PTPRG: variants seen among roughly 807,000 people sequenced by gnomAD.
PTPRG encodes the protein receptor-type tyrosine-protein phosphatase gamma.
In PTPRG, 102 loss-of-function variants were observed where a neutral mutation model predicts 165.3. The ratio of observed to expected loss-of-function variants is 0.62; its 90% CI spans 0.53 to 0.73. The LOEUF (loss-of-function observed/expected upper bound fraction) is 0.73, where lower values mean the gene tolerates loss of function less well. Among genes scored for constraint, PTPRG ranks in the 30% least tolerant of loss-of-function variants. PTPRG has a pLI of 0.00. For missense variants in PTPRG, 1,866 were observed against 1,861.4 expected, an observed-to-expected ratio of 1.00 and a Z score of -0.05; for synonymous variants, 675 against 669.5, an observed-to-expected ratio of 1.01 and a Z score of -0.13.
intron 1 of PTPRG, among the ~76,000 whole-genome samples, chr3:61,702,265 C>T (rs1361995105): frequency 2.0e-5 from 3 of 151,976 alleles, no homozygotes; most frequent in Non-Finnish European, 4.4e-5. Flanking sequence ...AGGCGTGAGC[C>T]ACCGCGTCTG....
chr3:61,845,772 A>T (rs1311397502), intron 2 of PTPRG, among the ~76,000 whole-genome samples: 1 of 152,222 alleles, frequency 6.6e-6, no homozygotes, highest in Non-Finnish European at 1.5e-5. Flanking sequence ...AAGCATGTAT[A>T]TTAATAAGTT....
At chr3:61,979,327 ATTAT>A (rs2040584783) in intron 2 of PTPRG, among the ~76,000 whole-genome samples, 1 of 152,152 alleles carries the variant, frequency 6.6e-6, no homozygotes, top group East Asian at 1.9e-4. Context: ...CTTTTGAAAT[ATTAT>A]TTGTTTTGAT....
At chr3:62,170,453 A>G (rs1705173595) in intron 8 of PTPRG, among the ~76,000 whole-genome samples, 1 of 152,076 alleles carries the variant, frequency 6.6e-6, no homozygotes, top group African/African-American at 2.4e-5. Context: ...CTCTTTCCTG[A>G]AAAAATGGGC....
At chr3:62,053,549 G>T (rs902870263) in intron 4 of PTPRG, among the ~76,000 whole-genome samples, 6 of 152,128 alleles carry the variant, frequency 3.9e-5, no homozygotes, top group Non-Finnish European at 7.3e-5. Flanking sequence ...TTACAGGCAT[G>T]AGCCATCATG....
rs2032825856 is a variant in PTPRG, at chr3:61,738,303, T to TAC, written c.86-10574_86-10573insCA. Among the ~76,000 whole-genome samples, 9 of 87,146 alleles carry TAC rather than the reference T, an allele frequency of 1.0e-4. 1 individual carries two copies. The highest frequency in any genetic ancestry group is 5.2e-3 in the Middle Eastern group (1 of 192). 57.2% of individuals were successfully genotyped at this position (87,146 alleles called of 152,430 possible). ...ACATATATATATATATATATATATA[T>TAC]ATATATATACATATATATATATATA... is the stretch of plus-strand genomic sequence containing the variant. On this transcript the variant is annotated intron_variant, in intron 1 of 29. Transcript: ENST00000474889.
chr3:62,049,022 TATAAA>T (rs1700384778), intron 4 of PTPRG, among the ~76,000 whole-genome samples: 2 of 151,686 alleles, frequency 1.3e-5, no homozygotes, highest in Non-Finnish European at 1.5e-5. Context: ...AGTCAGGAAA[TATAAA>T]ATAGAAGAAA....
intron 2 of PTPRG, among the ~76,000 whole-genome samples, chr3:61,916,627 TTATTA>T (rs2038942950): frequency 6.6e-6 from 1 of 152,226 alleles, no homozygotes; most frequent in South Asian, 2.1e-4. Context: ...GTTATTGTTA[TTATTA>T]TATTTATCTT....
At chr3:61,628,272 T>C (rs1701668305) in intron 1 of PTPRG, among the ~76,000 whole-genome samples, 1 of 152,160 alleles carries the variant, frequency 6.6e-6, no homozygotes, top group African/African-American at 2.4e-5. Context: ...TTTTCTCTTT[T>C]CTAGCAACAT....
At position 62,213,438 on chromosome 3, in the gene PTPRG, T is replaced by G. The variant is rs1337283449; in HGVS notation, c.2156-5413T>G. Among the ~76,000 whole-genome samples, 1 of 152,172 alleles carries G rather than the reference T, an allele frequency of 6.6e-6. No homozygotes were observed. Among genetic ancestry groups the G allele is most frequent in the Non-Finnish European group, 1.5e-5 (1 of 68,034 alleles). ...CCCCATGATTTCATTTTGCATTTGGTCCTATAAGTTACATAGCCATAACTT... is the reference window on the plus strand; with the variant it reads ...CCCCATGATTTCATTTTGCATTTGGGCCTATAAGTTACATAGCCATAACTT... On this transcript the variant is annotated intron_variant, in intron 12 of 29. Coordinates refer to ENST00000474889, the MANE Select transcript of PTPRG (RefSeq NM_002841.4). The surrounding 1 kb of genome is among the most constrained non-coding windows in gnomAD (Gnocchi z 4.4).
intron 1 of PTPRG, among the ~76,000 whole-genome samples, chr3:61,620,612 T>C (rs1048629452): frequency 6.6e-6 from 1 of 152,130 alleles, no homozygotes; most frequent in African/African-American, 2.4e-5. Flanking sequence ...TGAAGATGCT[T>C]AAAGTTAACA....
chr3:61,730,636 T>G (rs1056502499), intron 1 of PTPRG, among the ~76,000 whole-genome samples: 2 of 152,066 alleles, frequency 1.3e-5, no homozygotes, highest in African/African-American at 4.8e-5. Flanking sequence ...TTTAAACCAG[T>G]GATTTGGGCA....
chr3:61,740,105 G>A (rs1006302672), intron 1 of PTPRG, among the ~76,000 whole-genome samples: 9 of 152,262 alleles, frequency 5.9e-5, no homozygotes, highest in African/African-American at 7.2e-5. Context: ...CATTTCTGCT[G>A]GCCATTAAAG....
rs557623209 is a variant in PTPRG at position 61,765,888 on chromosome 3, C to G, written c.190+16906C>G. 5.3e-5 allele frequency among the ~76,000 whole-genome samples: 8 copies of G among 152,244 alleles called. No homozygotes were observed. In the East Asian group the frequency reaches 1.5e-3, roughly 29 times the overall value. ...TCCACAGAGCAGATGGCTGTTTGTA[C>G]TCATTTGTTCCCAAACCCTCTTGTA... On this transcript the variant is annotated intron_variant, in intron 2 of 29. Transcript: ENST00000474889.
Position 61,802,907 on chromosome 3 carries a change from G to A in PTPRG, c.190+53925G>A, listed in dbSNP as rs189019741. Among the ~76,000 whole-genome samples the A allele has an allele frequency of 3.3e-5, 5 of 152,238 alleles. No homozygotes were observed. The East Asian group carries it at 9.6e-4, about 29-fold the overall frequency. On this transcript the variant is annotated intron_variant, in intron 2 of 29. Coordinates refer to ENST00000474889, the MANE Select transcript of PTPRG (RefSeq NM_002841.4). ...GCTGGATGCAAAAACACATTTGCTG[G>A]CCAAATTCAGATCACAGGCACCTGG... is the stretch of plus-strand genomic sequence containing the variant.
chr3:61,579,409 G>A (rs766902953), intron 1 of PTPRG, among the ~76,000 whole-genome samples: 1 of 152,166 alleles, frequency 6.6e-6, no homozygotes, highest in East Asian at 1.9e-4. Context: ...CTGCTATTCC[G>A]ACACGTGTTT....
intron 4 of PTPRG, among the ~76,000 whole-genome samples, chr3:62,071,894 G>A (rs530098303): frequency 9.2e-5 from 14 of 152,216 alleles, no homozygotes; most frequent in Admixed American, 5.2e-4. Context: ...ACAGTACCTA[G>A]CATACAGTAG....
At chr3:62,035,183 G>A (rs1014656448) in intron 4 of PTPRG, among the ~76,000 whole-genome samples, 16 of 152,134 alleles carry the variant, frequency 1.1e-4, no homozygotes, top group African/African-American at 3.6e-4. Flanking sequence ...TCTGAATTTG[G>A]AGACCATTTT....
chr3:61,891,592 C>T (rs955909504), intron 2 of PTPRG, among the ~76,000 whole-genome samples: 4 of 152,142 alleles, frequency 2.6e-5, no homozygotes, highest in African/African-American at 7.2e-5. Context: ...AAAGAATGAA[C>T]TTTAAGGTCA....
chr3:62,073,837 A>G (rs1429334674), intron 4 of PTPRG, among the ~76,000 whole-genome samples: 1 of 152,190 alleles, frequency 6.6e-6, no homozygotes, highest in Non-Finnish European at 1.5e-5. Context: ...GTCAGAGTAA[A>G]GAAAGAGGCT....
Sources: gnomAD v4.1 joint callset for allele counts (sites outside exome capture counted in the v4.1 genomes callset) on GRCh38, gnomAD v4.1.1 for gene constraint, Gnocchi (gnomAD v3.1) non-coding constraint, MANE v1.5 for transcripts, NCBI Gene and HGNC (gene_info 2026-07-23, HGNC 2026-07-21) for gene names.